Variants in ENTREP2 observed in about 807,000 individuals in gnomAD.
ENTREP2 encodes the protein protein ENTREP2.
At chr15:29,218,647 C>T in the ENTREP2 span, among the ~76,000 whole-genome samples, 24 of 152,068 alleles carry the variant, frequency 1.6e-4, no homozygotes, top group East Asian at 4.6e-3. Flanking sequence ...AATAGAGAAC[C>T]CAGAAATAAG....
At chr15:29,433,511 AT>A in the ENTREP2 span, among the ~76,000 whole-genome samples, 1 of 152,210 alleles carries the variant, frequency 6.6e-6, no homozygotes. Flanking sequence ...TACAAATCTT[AT>A]TCCCCATCAC....
At chr15:29,612,022 C>T in the ENTREP2 span, among the ~76,000 whole-genome samples, 1 of 152,166 alleles carries the variant, frequency 6.6e-6, no homozygotes, top group Non-Finnish European at 1.5e-5. Context: ...GATTGCATTC[C>T]TATTTTACAA....
the ENTREP2 span, among the ~76,000 whole-genome samples, chr15:29,646,125 T>C: frequency 3.2e-4 from 48 of 152,300 alleles, no homozygotes; most frequent in Middle Eastern, 3.4e-3. Context: ...TGTCTTCTGT[T>C]CTCTGATTCA....
chr15:29,358,078 T>A, the ENTREP2 span, among the ~76,000 whole-genome samples: 1 of 152,090 alleles, frequency 6.6e-6, no homozygotes, highest in Non-Finnish European at 1.5e-5. Context: ...CATGTCCAAG[T>A]GAGTGCCCTG....
the ENTREP2 span, among the ~76,000 whole-genome samples, chr15:29,671,809 C>G: frequency 6.6e-6 from 1 of 152,150 alleles, no homozygotes; most frequent in African/African-American, 2.4e-5. Flanking sequence ...AGCGATTCTC[C>G]CAGCTTCAGA....
chr15:29,325,490 T>G, the ENTREP2 span, among the ~76,000 whole-genome samples: 8 of 152,018 alleles, frequency 5.3e-5, no homozygotes, highest in Non-Finnish European at 1.2e-4. Context: ...ACCTCTAAAT[T>G]TGACAAATTA....
At chr15:29,360,144 T>A in the ENTREP2 span, among the ~76,000 whole-genome samples, 1 of 152,212 alleles carries the variant, frequency 6.6e-6, no homozygotes, top group Admixed American at 6.5e-5. Context: ...GTAATACTTT[T>A]TAAATTAACT....
chr15:29,492,263 A>T, the ENTREP2 span, among the ~76,000 whole-genome samples: 1 of 152,240 alleles, frequency 6.6e-6, no homozygotes, highest in African/African-American at 2.4e-5. Flanking sequence ...TCATTGTAAG[A>T]ATTAGCAGTA....
chr15:29,205,650 C>T, the ENTREP2 span, among the ~76,000 whole-genome samples: 1 of 152,124 alleles, frequency 6.6e-6, no homozygotes, highest in Non-Finnish European at 1.5e-5. Context: ...AATCCTTTGC[C>T]TGTTTTCAAA....
chr15:29,671,781 G>C, the ENTREP2 span, among the ~76,000 whole-genome samples: 1 of 152,148 alleles, frequency 6.6e-6, no homozygotes, highest in Non-Finnish European at 1.5e-5. Context: ...TGGGCTTTCT[G>C]TTTGGACAGG....
the ENTREP2 span, among the ~76,000 whole-genome samples, chr15:29,511,048 G>C: frequency 1.3e-5 from 2 of 152,092 alleles, no homozygotes; most frequent in South Asian, 4.2e-4. Flanking sequence ...CGGTGCGGTG[G>C]GGGGCAAGGG....
chr15:29,332,974 A>C, the ENTREP2 span, among the ~76,000 whole-genome samples: 17 of 152,140 alleles, frequency 1.1e-4, no homozygotes, highest in East Asian at 1.2e-3. Flanking sequence ...AAAAAAAAAA[A>C]AAAACCCTTT....
At chr15:29,554,561 G>A in the ENTREP2 span, among the ~76,000 whole-genome samples, 1 of 152,260 alleles carries the variant, frequency 6.6e-6, no homozygotes, top group East Asian at 1.9e-4. Context: ...GCATTAGAGA[G>A]ACACTGTGTT....
the ENTREP2 span, among the ~76,000 whole-genome samples, chr15:29,282,205 G>A: frequency 6.6e-6 from 1 of 152,212 alleles, no homozygotes; most frequent in Non-Finnish European, 1.5e-5. Context: ...CATGGGGAAG[G>A]TTTCCCCCAT....
chr15:29,563,592 G>A, the ENTREP2 span, among the ~76,000 whole-genome samples: 81 of 152,152 alleles, frequency 5.3e-4, 1 homozygote, highest in Non-Finnish European at 1.0e-3. Flanking sequence ...AGCACTTTGG[G>A]AGGCCAAGGC....
chr15:29,371,967 G>T, the ENTREP2 span, among the ~76,000 whole-genome samples: 1 of 151,842 alleles, frequency 6.6e-6, no homozygotes, highest in Admixed American at 6.6e-5. Context: ...TACAATCAAA[G>T]AATTAATGGA....
the ENTREP2 span, among the ~76,000 whole-genome samples, chr15:29,168,380 AAAGT>A: frequency 6.6e-6 from 1 of 152,204 alleles, no homozygotes; most frequent in Non-Finnish European, 1.5e-5. Context: ...ATAAAGAAAG[AAAGT>A]AATGCAGAGA....
the ENTREP2 span, among the ~76,000 whole-genome samples, chr15:29,437,836 G>A: frequency 5.3e-5 from 8 of 152,128 alleles, no homozygotes; most frequent in East Asian, 7.7e-4. Context: ...GAGAACCCAC[G>A]CTCCCATCCA....
the ENTREP2 span, among the ~76,000 whole-genome samples, chr15:29,140,212 T>C: frequency 6.6e-6 from 1 of 152,222 alleles, no homozygotes; most frequent in Admixed American, 6.5e-5. Flanking sequence ...GGGCAATTTC[T>C]TTTCCTGACC....
Sources: gnomAD v4.1 joint callset for allele counts (sites outside exome capture counted in the v4.1 genomes callset) on GRCh38, gnomAD v4.1.1 for gene constraint, MANE v1.5 for transcripts, NCBI Gene and HGNC (gene_info 2026-07-23, HGNC 2026-07-21) for gene names.